DNAH8: variants seen among roughly 807,000 people sequenced by gnomAD.
DNAH8 encodes the protein dynein axonemal heavy chain 8.
A neutral mutation model predicts 562.1 loss-of-function variants in DNAH8; 382 were observed. The ratio of observed to expected loss-of-function variants is 0.68; its 90% CI spans 0.63 to 0.74. The LOEUF is 0.74. Ranked by LOEUF, DNAH8 falls within the 30% of genes least tolerant of loss-of-function variation. The probability of loss-of-function intolerance (pLI) is 0.00; values close to 1 mark genes in which losing one functional copy is unlikely to be tolerated. For missense variants in DNAH8, 5,203 were observed against 5,620.4 expected, an observed-to-expected ratio of 0.93 and a Z score of 2.37; for synonymous variants, 1,881 against 1,919.4, an observed-to-expected ratio of 0.98 and a Z score of 0.52.
At chr6:38,990,204 GTCATTTGTAAC>G in intron 88 of DNAH8, 32 bp downstream of exon 88, 1 of 1,490,842 alleles carries the variant, frequency 6.7e-7, no homozygotes, top group South Asian at 1.2e-5. Flanking sequence ...ATTTGAAGGG[GTCATTTGTAAC>G]TCAGTCTGGC....
At chr6:38,821,451 G>A (rs532394457) in intron 26 of DNAH8, among the ~76,000 whole-genome samples, 9 of 152,038 alleles carry the variant, frequency 5.9e-5, no homozygotes, top group South Asian at 2.1e-4. Context: ...CTTTTTTTGC[G>A]GAAGAAATTG....
chr6:38,990,795 C>CA (rs1216664648), intron 88 of DNAH8, among the ~76,000 whole-genome samples: 2 of 152,300 alleles, frequency 1.3e-5, no homozygotes, highest in East Asian at 3.9e-4. Flanking sequence ...AAATGCTCCC[C>CA]AGTTCCAAGC....
intron 91 of DNAH8, among the ~76,000 whole-genome samples, chr6:39,018,895 G>C (rs368387910): frequency 3.8e-4 from 58 of 152,348 alleles, no homozygotes; most frequent in African/African-American, 1.3e-3. Context: ...AGTGGAATAG[G>C]TGGGGAGGTA....
chr6:38,937,903 TCAGAAGA>T, intron 77 of DNAH8, 64 bp from the exon 78 acceptor site: 1 of 1,531,682 alleles, frequency 6.5e-7, no homozygotes, highest in Admixed American at 2.1e-5. Flanking sequence ...TTTTTTTTTT[TCAGAAGA>T]GATGTATCTT....
intron 11 of DNAH8, among the ~76,000 whole-genome samples, chr6:38,762,739 C>T (rs775508473): frequency 4.6e-5 from 7 of 152,320 alleles, no homozygotes; most frequent in East Asian, 1.9e-4. Context: ...CCCTGGTCTT[C>T]GTAGTGCCAA....
At chr6:38,845,545 A>G in intron 35 of DNAH8, 29 bp from the exon 36 acceptor site, 1 of 1,580,650 alleles carries the variant, frequency 6.3e-7, no homozygotes, top group Non-Finnish European at 8.7e-7. Flanking sequence ...TGAAAACATC[A>G]TGACATATAC....
intron 1 of DNAH8, among the ~76,000 whole-genome samples, chr6:38,720,220 G>A (rs1416121142): frequency 6.6e-6 from 1 of 152,276 alleles, no homozygotes; most frequent in East Asian, 1.9e-4. Flanking sequence ...TCAAACCACA[G>A]GAAGTATCAG....
intron 26 of DNAH8, among the ~76,000 whole-genome samples, chr6:38,818,814 T>G (rs1772552845): frequency 6.6e-6 from 1 of 152,220 alleles, no homozygotes; most frequent in African/African-American, 2.4e-5. Context: ...ATTCTCACCA[T>G]GTGCTGATGA....
In DNAH8 at chr6:38,974,362, T is replaced by G. The variant is rs771267279; in HGVS notation, c.12679-12T>G. 5 of 1,589,774 alleles carry G rather than the reference T, an allele frequency of 3.1e-6. No individual in the cohort carries two copies. The South Asian group carries it at 3.5e-5, about 11-fold the overall frequency. Reference sequence around the variant, plus strand: ...TTATAGAAACAAAAGCACTGTTTTCTTTTCATGACAGACCTCTCTCAAATT... The same window carrying G: ...TTATAGAAACAAAAGCACTGTTTTCGTTTCATGACAGACCTCTCTCAAATT... On this transcript the variant is annotated splice_polypyrimidine_tract_variant and intron_variant, in intron 84 of 92. Coordinates refer to ENST00000327475, the MANE Select transcript of DNAH8 (RefSeq NM_001206927.2).
intron 82 of DNAH8, among the ~76,000 whole-genome samples, chr6:38,952,332 C>T (rs1761960550): frequency 6.6e-6 from 1 of 152,042 alleles, no homozygotes; most frequent in Non-Finnish European, 1.5e-5. Flanking sequence ...AGGACTGAGC[C>T]ATCCTGTAAG....
At chr6:38,803,362 T>C in intron 22 of DNAH8, 51 bp downstream of exon 22, 2 of 1,463,382 alleles carry the variant, frequency 1.4e-6, no homozygotes, top group Non-Finnish European at 1.9e-6. Flanking sequence ...AGATTCGTTC[T>C]TATGTAAGCA....
At chr6:39,020,639 T>C (rs1234687607) in intron 91 of DNAH8, among the ~76,000 whole-genome samples, 1 of 152,208 alleles carries the variant, frequency 6.6e-6, no homozygotes, top group African/African-American at 2.4e-5. Flanking sequence ...AAGCCCCGCA[T>C]GCATCAGCTA....
At chr6:39,010,459 G>A (rs1409172472) in intron 89 of DNAH8, among the ~76,000 whole-genome samples, 1 of 152,010 alleles carries the variant, frequency 6.6e-6, no homozygotes, top group African/African-American at 2.4e-5. Context: ...ATTTTAGGCT[G>A]GAACAATAAT....
intron 30 of DNAH8, 94 bp from the exon 31 acceptor site, chr6:38,832,228 A>T: frequency 1.4e-6 from 1 of 724,480 alleles, no homozygotes; most frequent in Non-Finnish European, 2.4e-6. Context: ...TTCATATAGG[A>T]TATCTGTGAG....
At chr6:38,918,357 T>C (rs981891106) in intron 70 of DNAH8, among the ~76,000 whole-genome samples, 3 of 152,202 alleles carry the variant, frequency 2.0e-5, no homozygotes, top group African/African-American at 7.2e-5. Flanking sequence ...GAAACCAACA[T>C]GTTAACTTAC....
intron 43 of DNAH8, among the ~76,000 whole-genome samples, chr6:38,861,296 T>C (rs746768020): frequency 2.6e-5 from 4 of 152,194 alleles, no homozygotes; most frequent in Non-Finnish European, 4.4e-5. Flanking sequence ...CCCAGTGCCA[T>C]AGCAACATAA....
chr6:38,839,780 G>A (rs560674536), intron 33 of DNAH8, among the ~76,000 whole-genome samples: 1 of 151,808 alleles, frequency 6.6e-6, no homozygotes, highest in Non-Finnish European at 1.5e-5. Context: ...CGCCTGCCTC[G>A]GCCTCCCGAG....
intron 60 of DNAH8, among the ~76,000 whole-genome samples, chr6:38,897,896 T>TTAACTC (rs1779808703): frequency 6.6e-6 from 1 of 152,234 alleles, no homozygotes; most frequent in Non-Finnish European, 1.5e-5. Flanking sequence ...ACTTGTGGAT[T>TTAACTC]TAACTCCATA....
intron 7 of DNAH8, among the ~76,000 whole-genome samples, chr6:38,741,149 A>G (rs1473508908): frequency 6.6e-6 from 1 of 152,142 alleles, no homozygotes; most frequent in South Asian, 2.1e-4. Flanking sequence ...TCATGCCTGT[A>G]ATCCCAACAC....
Sources: gnomAD v4.1 joint callset for allele counts (sites outside exome capture counted in the v4.1 genomes callset) on GRCh38, gnomAD v4.1.1 for gene constraint, MANE v1.5 for transcripts, NCBI Gene and HGNC (gene_info 2026-07-23, HGNC 2026-07-21) for gene names.